JAZF1: variants seen among roughly 807,000 people sequenced by gnomAD.
The protein encoded by JAZF1 is juxtaposed with another zinc finger protein 1.
Under a neutral mutation model 26.4 loss-of-function variants are expected in JAZF1, and 8 were observed. The ratio of observed to expected loss-of-function variants is 0.30; its 90% CI spans 0.18 to 0.55. The LOEUF is 0.55. Ranked by LOEUF, JAZF1 falls within the 20% of genes least tolerant of loss-of-function variation. The pLI is 0.94. For synonymous variants in JAZF1, 126 were observed against 122.3 expected, an observed-to-expected ratio of 1.03 and a Z score of -0.20; for missense variants, 199 against 322.0, an observed-to-expected ratio of 0.62 and a Z score of 2.92.
At chr7:27,844,997 GC>G (rs1782990992) in intron 3 of JAZF1, among the ~76,000 whole-genome samples, 1 of 152,210 alleles carries the variant, frequency 6.6e-6, no homozygotes, top group Non-Finnish European at 1.5e-5. Flanking sequence ...GGTGCCGGGT[GC>G]CCCGCCAGGA....
chr7:28,096,783 G>A (rs927661832), intron 1 of JAZF1, among the ~76,000 whole-genome samples: 11 of 152,130 alleles, frequency 7.2e-5, no homozygotes, highest in African/African-American at 1.7e-4. Context: ...AGCCATGGCC[G>A]TGGGAAGCTG....
intron 1 of JAZF1, among the ~76,000 whole-genome samples, chr7:28,156,646 C>A (rs938664446): frequency 6.6e-6 from 1 of 152,192 alleles, no homozygotes; most frequent in African/African-American, 2.4e-5. Flanking sequence ...ATTGCTGGGT[C>A]TCAGCCCCAT....
chr7:27,947,815 G>T (rs1051435434), intron 2 of JAZF1, among the ~76,000 whole-genome samples: 1 of 152,036 alleles, frequency 6.6e-6, no homozygotes, highest in South Asian at 2.1e-4. Flanking sequence ...TTCCCACCTG[G>T]CTGCTCACAG....
At chr7:27,936,230 G>A (rs928529960) in intron 2 of JAZF1, among the ~76,000 whole-genome samples, 2 of 152,190 alleles carry the variant, frequency 1.3e-5, no homozygotes, top group Admixed American at 1.3e-4. Context: ...AAGTCAGGCT[G>A]AGCCTGGAAG....
intron 4 of JAZF1, among the ~76,000 whole-genome samples, chr7:27,833,609 T>C (rs1004811293): frequency 3.9e-5 from 6 of 152,248 alleles, no homozygotes; most frequent in Non-Finnish European, 5.9e-5. Flanking sequence ...TAAGCACCTG[T>C]AGTCAGACTA....
chr7:28,019,542 G>T, intron 1 of JAZF1, among the ~76,000 whole-genome samples: 1 of 152,010 alleles, frequency 6.6e-6, no homozygotes, highest in South Asian at 2.1e-4. Flanking sequence ...CCTCTGCTTT[G>T]CTGCCCCTCC....
intron 2 of JAZF1, among the ~76,000 whole-genome samples, chr7:27,933,875 C>T (rs1224287530): frequency 6.6e-6 from 1 of 152,078 alleles, no homozygotes; most frequent in East Asian, 1.9e-4. Context: ...AAAGGCATAC[C>T]ATTTCCTAAT....
chr7:28,004,401 TAAA>T (rs72501870), intron 1 of JAZF1, among the ~76,000 whole-genome samples: 18 of 143,274 alleles, frequency 1.3e-4, no homozygotes, highest in Non-Finnish European at 1.5e-5. Flanking sequence ...CTGGGTAACT[TAAA>T]AAAAAAAAAA....
chr7:27,990,442 AG>A (rs35587148), intron 2 of JAZF1, among the ~76,000 whole-genome samples: 62,575 of 150,252 alleles, frequency 0.42, 14,418 homozygotes, highest in Middle Eastern at 0.59. Flanking sequence ...AAAAAAAAAA[AG>A]GAACTCCTAT....
chr7:28,106,022 G>T (rs570165466), intron 1 of JAZF1, among the ~76,000 whole-genome samples: 3 of 152,166 alleles, frequency 2.0e-5, no homozygotes, highest in Non-Finnish European at 4.4e-5. Flanking sequence ...GCTCACGATC[G>T]GTTCTGCTAG....
At chr7:28,131,845 T>A (rs1322057112) in intron 1 of JAZF1, among the ~76,000 whole-genome samples, 1 of 152,194 alleles carries the variant, frequency 6.6e-6, no homozygotes, top group African/African-American at 2.4e-5. Flanking sequence ...ATGGGAAAAT[T>A]GACAAAACAC....
chr7:27,892,599 A>G (rs565183431), intron 3 of JAZF1, among the ~76,000 whole-genome samples: 5 of 152,374 alleles, frequency 3.3e-5, no homozygotes, highest in Admixed American at 6.5e-5. Context: ...TTATATGTGA[A>G]TAAGTATCAT....
At chr7:27,853,514 G>A (rs1053549637) in intron 3 of JAZF1, among the ~76,000 whole-genome samples, 1 of 152,192 alleles carries the variant, frequency 6.6e-6, no homozygotes, top group Non-Finnish European at 1.5e-5. Flanking sequence ...TGTGCCCTGA[G>A]CTGCCACGAC....
At chr7:27,995,112 C>A (rs1785988874) in intron 1 of JAZF1, among the ~76,000 whole-genome samples, 1 of 152,192 alleles carries the variant, frequency 6.6e-6, no homozygotes, top group Non-Finnish European at 1.5e-5. Flanking sequence ...TTATACCATG[C>A]CACATTGTTC....
intron 2 of JAZF1, among the ~76,000 whole-genome samples, chr7:27,980,331 A>G (rs1785556107): frequency 6.6e-6 from 1 of 152,178 alleles, no homozygotes; most frequent in South Asian, 2.1e-4. Context: ...AATCTAGCTG[A>G]TGTCCATTAA....
At chr7:28,121,185 C>T (rs200211599) in intron 1 of JAZF1, among the ~76,000 whole-genome samples, 2 of 7,132 alleles carry the variant, frequency 2.8e-4, no homozygotes, top group South Asian at 7.1e-3. Context: ...GAGACTGTCT[C>T]GAAAAAAAAA....
chr7:27,984,700 G>T (rs540788489), intron 2 of JAZF1, among the ~76,000 whole-genome samples: 3 of 152,296 alleles, frequency 2.0e-5, no homozygotes, highest in Non-Finnish European at 4.4e-5. Flanking sequence ...CACATAGTTG[G>T]AAGTAAAGCA....
At chr7:28,018,969 C>T (rs780859542) in intron 1 of JAZF1, among the ~76,000 whole-genome samples, 1 of 152,182 alleles carries the variant, frequency 6.6e-6, no homozygotes, top group Non-Finnish European at 1.5e-5. Context: ...TCCTGAGAGT[C>T]CTGTTCTTGA....
At chr7:27,935,371 A>G (rs1228530159) in intron 2 of JAZF1, among the ~76,000 whole-genome samples, 2 of 152,262 alleles carry the variant, frequency 1.3e-5, no homozygotes, top group Non-Finnish European at 2.9e-5. Flanking sequence ...ATTCTTTGGC[A>G]ATAAAAACAA....
Sources: gnomAD v4.1 joint callset for allele counts (sites outside exome capture counted in the v4.1 genomes callset) on GRCh38, gnomAD v4.1.1 for gene constraint, MANE v1.5 for transcripts, NCBI Gene and HGNC (gene_info 2026-07-23, HGNC 2026-07-21) for gene names.